Variants in RCC2 observed in about 807,000 individuals in gnomAD.
The protein encoded by RCC2 is protein RCC2.
Under a neutral mutation model 64.1 loss-of-function variants are expected in RCC2, and 19 were observed. The observed-to-expected ratio is 0.30, with a 90% CI of 0.21 to 0.44. RCC2 has a LOEUF of 0.44. Ranked by LOEUF, RCC2 falls within the 20% of genes least tolerant of loss-of-function variation. The probability of loss-of-function intolerance (pLI) is 1.00; values close to 1 mark genes in which losing one functional copy is unlikely to be tolerated. For synonymous variants in RCC2, 325 were observed against 279.6 expected, an observed-to-expected ratio of 1.16 and a Z score of -1.62; for missense variants, 508 against 710.4, an observed-to-expected ratio of 0.72 and a Z score of 3.24.
At chr1:17,414,314 G>C (rs896894107) in intron 8 of RCC2, among the ~76,000 whole-genome samples, 1 of 151,972 alleles carries the variant, frequency 6.6e-6, no homozygotes, top group Non-Finnish European at 1.5e-5. Flanking sequence ...TGGATTGCCT[G>C]AACTCAGGAA....
At chr1:17,435,855 T>C (rs1346688491) in intron 2 of RCC2, among the ~76,000 whole-genome samples, 4 of 149,076 alleles carry the variant, frequency 2.7e-5, no homozygotes, top group East Asian at 2.0e-4. Context: ...GAGGCGGAGA[T>C]TGCAGTGAGC....
intron 2 of RCC2, among the ~76,000 whole-genome samples, chr1:17,437,590 C>T (rs1321055275): frequency 7.2e-5 from 1 of 13,828 alleles, no homozygotes; most frequent in Non-Finnish European, 1.6e-4. Context: ...GAGCATCCTG[C>T]AGCTTCGGAC....
intron 2 of RCC2, among the ~76,000 whole-genome samples, chr1:17,435,918 CAAAAAA>C (rs57932179): frequency 1.1e-5 from 1 of 88,252 alleles, no homozygotes; most frequent in Non-Finnish European, 2.4e-5. Context: ...AACTCCAGCT[CAAAAAA>C]AAAAAAAAAA....
rs1355026419 is a variant in RCC2 at position 17,438,448 on chromosome 1, C to G, written c.67G>C (p.Ala23Pro). The change falls in exon 2 of 13, where the codon GCC (alanine) becomes CCC (proline). Residue 23 changes from alanine (A) to proline (P), a missense_variant. This residue lies in a region of RCC2 where 195 missense variants were observed against 158.3 expected (regional missense o/e 1.23). Coordinates refer to ENST00000375436, the MANE Select transcript of RCC2 (RefSeq NM_018715.4). ...GGGCCGCCGCGTTTCCTGGGCCCGG[C>G]GCGGGCAGTGCCGTTGCCCGAGCTC... ...EPSSGNGTARAGPRKRGGPAG... is the reference protein window; with the variant it reads ...EPSSGNGTARPGPRKRGGPAG... 4 of 1,298,560 alleles carry G rather than the reference C, an allele frequency of 3.1e-6. No homozygotes were observed. In the African/African-American group the frequency reaches 6.1e-5, roughly 20 times the overall value. The allele number at this position is 1,298,560 out of a possible 1,614,324, so 80.4% of individuals were successfully genotyped here.
intron 9 of RCC2, 80 bp downstream of exon 9, chr1:17,413,457 G>T: frequency 7.1e-7 from 1 of 1,399,214 alleles, no homozygotes; most frequent in Non-Finnish European, 1.0e-6. Context: ...GAGAATTGGG[G>T]TTCGTGGTCT....
rs1011289741 is a variant in RCC2 at position 17,418,737 on chromosome 1, G to A, written c.859+1977C>T. ...CTACGATGAATGTAAGAGCATCACA[G>A]TAAATAGAATGCATTTCCGGATATG... On this transcript the variant is annotated intron_variant, in intron 7 of 12. Transcript: ENST00000375436. Among the ~76,000 whole-genome samples the A allele has an allele frequency of 3.3e-5, 5 of 152,206 alleles. No individual in the cohort carries two copies. The South Asian group carries it at 1.0e-3, about 31-fold the overall frequency.
chr1:17,435,573 G>C (rs2075727535), intron 2 of RCC2, among the ~76,000 whole-genome samples: 1 of 152,254 alleles, frequency 6.6e-6, no homozygotes, highest in African/African-American at 2.4e-5. Context: ...GGGGCAGAGG[G>C]CTGCCCTAGG....
At chr1:17,421,517 T>C (rs1181329300) in intron 6 of RCC2, among the ~76,000 whole-genome samples, 1 of 151,688 alleles carries the variant, frequency 6.6e-6, no homozygotes, top group African/African-American at 2.4e-5. Flanking sequence ...AAAGACTGCC[T>C]ATCTCGTATT....
chr1:17,438,760 G>A (rs2075773026), intron 1 of RCC2, among the ~76,000 whole-genome samples: 1 of 152,130 alleles, frequency 6.6e-6, no homozygotes. Context: ...GCAATCCCCT[G>A]GAGGGAGAAT....
intron 8 of RCC2, among the ~76,000 whole-genome samples, chr1:17,416,070 A>C: frequency 2.2e-5 from 1 of 46,034 alleles, no homozygotes; most frequent in South Asian, 1.2e-3. Flanking sequence ...ACTGTCTCCA[A>C]AAAAAAAAGG....
At chr1:17,414,865 C>G (rs1379875107) in intron 8 of RCC2, among the ~76,000 whole-genome samples, 1 of 152,094 alleles carries the variant, frequency 6.6e-6, no homozygotes, top group African/African-American at 2.4e-5. Context: ...AATGATCTGC[C>G]CACCTTGGCC....
At chr1:17,424,271 G>A (rs991501251) in intron 4 of RCC2, among the ~76,000 whole-genome samples, 1 of 152,198 alleles carries the variant, frequency 6.6e-6, no homozygotes, top group African/African-American at 2.4e-5. Flanking sequence ...CTGTCTGCTC[G>A]GGGATCACAC....
At position 17,407,744 on chromosome 1, in the gene RCC2, T is replaced by C. The variant is rs978944587; in HGVS notation, c.*1346A>G. The C allele has an allele frequency of 2.0e-5, 3 of 152,512 alleles. No homozygotes were observed. The highest frequency in any genetic ancestry group is 4.4e-5 in the Non-Finnish European group (3 of 68,012). 9.4% of individuals were successfully genotyped at this position (152,512 alleles called of 1,614,324 possible). A position where few individuals can be genotyped will look rare whatever the true frequency, so the allele number is the denominator to read the frequency against. ...AAACTTGAAGAGACCAATATTTAAC[T>C]TTCCCATCCACCCAAGTCTCACACT... On this transcript the variant is annotated 3_prime_UTR_variant, in exon 13 of 13. Transcript: ENST00000375436.
intron 7 of RCC2, among the ~76,000 whole-genome samples, chr1:17,417,955 C>G (rs1214130080): frequency 1.3e-5 from 2 of 152,044 alleles, no homozygotes; most frequent in Non-Finnish European, 2.9e-5. Flanking sequence ...GAACTACTTA[C>G]ATAACATTTA....
At chr1:17,431,705 C>T (rs2075683903) in intron 2 of RCC2, among the ~76,000 whole-genome samples, 1 of 151,632 alleles carries the variant, frequency 6.6e-6, no homozygotes, top group African/African-American at 2.4e-5. Flanking sequence ...TAGGGCGTCC[C>T]CCAAGATATA....
intron 2 of RCC2, among the ~76,000 whole-genome samples, chr1:17,436,814 T>A (rs1234368301): frequency 6.6e-6 from 1 of 152,238 alleles, no homozygotes; most frequent in Non-Finnish European, 1.5e-5. Context: ...CTTTTTAGTT[T>A]CATCCTAACA....
rs2075496331 is a variant in RCC2 at position 17,417,136 on chromosome 1, G to A, written c.860-490C>T. On this transcript the variant is annotated intron_variant, in intron 7 of 12. Coordinates refer to ENST00000375436, the MANE Select transcript of RCC2 (RefSeq NM_018715.4). ...GCTCCATACACAATCCCAGGCCTCT[G>A]TTTTTATGAATTACCAGTAACCTAA... 1.3e-5 allele frequency among the ~76,000 whole-genome samples: 2 copies of A among 152,158 alleles called. 1 individual carries two copies. The highest frequency in any genetic ancestry group is 4.1e-4 in the South Asian group (2 of 4,832).
chr1:17,432,954 T>A (rs1319336595), intron 2 of RCC2, among the ~76,000 whole-genome samples: 2 of 151,384 alleles, frequency 1.3e-5, no homozygotes, highest in African/African-American at 4.9e-5. Context: ...CGAGACTCCA[T>A]CTTAAAAAAA....
intron 2 of RCC2, 81 bp downstream of exon 2, chr1:17,438,149 G>T (rs2075760558): frequency 2.9e-6 from 3 of 1,034,250 alleles, no homozygotes; most frequent in Admixed American, 1.0e-4. Flanking sequence ...GCGGCCCCCG[G>T]CTGGAACGCG....
Sources: allele counts gnomAD v4.1 joint callset (sites outside exome capture counted in the v4.1 genomes callset), GRCh38; gene constraint gnomAD v4.1.1; regional missense constraint gnomAD v4.1.1; transcripts MANE v1.5; gene names NCBI Gene and HGNC (gene_info 2026-07-23, HGNC 2026-07-21).